B3GALT1: variants seen among roughly 807,000 people sequenced by gnomAD.
B3GALT1 encodes the protein UDP-Gal:betaGlcNAc beta 1,3-galactosyltransferase, polypeptide 1.
Under a neutral mutation model 23.2 loss-of-function variants are expected in B3GALT1, and 10 were observed. That is an observed-to-expected ratio of 0.43 (90% confidence interval 0.27 to 0.73). The LOEUF (loss-of-function observed/expected upper bound fraction) is 0.73, where lower values mean the gene tolerates loss of function less well. Among genes scored for constraint, B3GALT1 ranks in the 30% least tolerant of loss-of-function variants. The pLI, the probability that B3GALT1 is intolerant of heterozygous loss-of-function variation, is 0.21. For synonymous variants in B3GALT1, 156 were observed against 141.5 expected (o/e 1.10, Z -0.73); for missense variants, 299 against 405.4 (o/e 0.74, Z 2.25).
chr2:167,296,603 C>T (rs1357253635), intron 1 of B3GALT1, among the ~76,000 whole-genome samples: 1 of 152,160 alleles, frequency 6.6e-6, no homozygotes, highest in Non-Finnish European at 1.5e-5. Flanking sequence ...GATGAATGTG[C>T]ATCATAAAGG....
At chr2:167,446,781 T>G (rs1182942851) in intron 1 of B3GALT1, among the ~76,000 whole-genome samples, 1 of 152,162 alleles carries the variant, frequency 6.6e-6, no homozygotes, top group East Asian at 1.9e-4. Context: ...TTCTCACAGT[T>G]TTTAGCCTCT....
chr2:167,377,735 C>T (rs1697786595), intron 1 of B3GALT1, among the ~76,000 whole-genome samples: 2 of 152,032 alleles, frequency 1.3e-5, no homozygotes, highest in South Asian at 2.1e-4. Flanking sequence ...AGATGGGACT[C>T]TTAAAGACAG....
At chr2:167,453,673 G>A (rs1699123258) in intron 1 of B3GALT1, among the ~76,000 whole-genome samples, 1 of 152,204 alleles carries the variant, frequency 6.6e-6, no homozygotes, top group Non-Finnish European at 1.5e-5. Flanking sequence ...CTGAACAAGT[G>A]CCAATGAAGT....
intron 2 of B3GALT1, among the ~76,000 whole-genome samples, chr2:167,631,723 G>A (rs1685449364): frequency 7.0e-6 from 1 of 142,074 alleles, no homozygotes; most frequent in South Asian, 2.1e-4. Context: ...ACAAATACTA[G>A]CTTTCTTTCC....
Position 167,705,165 on chromosome 2 carries a change from A to G in B3GALT1, c.-352+58199A>G, listed in dbSNP as rs549474397. ...AACCTACAGCCTAGAGCCAAACTTC[A>G]TTGTACTCAGCCTAGATGAGCTGAA... On this transcript the variant is annotated intron_variant, in intron 3 of 4. Transcript: ENST00000392690. 3.0e-4 allele frequency among the ~76,000 whole-genome samples: 45 copies of G among 152,226 alleles called. 1 individual carries two copies. The South Asian group carries it at 9.2e-3, about 31-fold the overall frequency.
intron 3 of B3GALT1, among the ~76,000 whole-genome samples, chr2:167,767,353 G>A (rs1014349174): frequency 1.3e-5 from 2 of 151,958 alleles, no homozygotes; most frequent in Non-Finnish European, 2.9e-5. Context: ...ATTTCTTTGC[G>A]GCATTGTCCC....
chr2:167,486,341 G>A (rs1196861385), intron 1 of B3GALT1, among the ~76,000 whole-genome samples: 1 of 144,760 alleles, frequency 6.9e-6, no homozygotes, highest in Non-Finnish European at 1.5e-5. Flanking sequence ...CCTTGTGACA[G>A]AGTGAGACTC....
intron 1 of B3GALT1, among the ~76,000 whole-genome samples, chr2:167,304,150 G>A (rs1197086878): frequency 2.0e-5 from 3 of 152,164 alleles, no homozygotes; most frequent in Admixed American, 6.6e-5. Context: ...ATGAAGTTCT[G>A]TGTTTGATTT....
chr2:167,570,481 T>C (rs928265411), intron 2 of B3GALT1, among the ~76,000 whole-genome samples: 10 of 151,936 alleles, frequency 6.6e-5, no homozygotes, highest in Admixed American at 2.6e-4. Flanking sequence ...GCTATAAATG[T>C]TTTTATGATT....
chr2:167,549,127 C>CA (rs1683701991), intron 2 of B3GALT1, among the ~76,000 whole-genome samples: 1 of 152,072 alleles, frequency 6.6e-6, no homozygotes, highest in Non-Finnish European at 1.5e-5. Context: ...ATAAACCTCT[C>CA]AAAAAATATT....
intron 4 of B3GALT1, among the ~76,000 whole-genome samples, chr2:167,822,263 T>C (rs1320739615): frequency 6.6e-6 from 1 of 152,120 alleles, no homozygotes; most frequent in Non-Finnish European, 1.5e-5. Flanking sequence ...GCTAGGTCAC[T>C]ATTACATATT....
intron 2 of B3GALT1, among the ~76,000 whole-genome samples, chr2:167,566,827 G>A (rs1374600433): frequency 6.6e-6 from 1 of 152,108 alleles, no homozygotes; most frequent in Non-Finnish European, 1.5e-5. Flanking sequence ...TGCCCTCTGG[G>A]GGTAGGAGGG....
chr2:167,824,420 C>A (rs1574282990), intron 4 of B3GALT1, among the ~76,000 whole-genome samples: 1 of 152,198 alleles, frequency 6.6e-6, no homozygotes, highest in African/African-American at 2.4e-5. Flanking sequence ...ATAAGAGATA[C>A]CCATAGCTTG....
At chr2:167,672,218 A>G (rs1686343513) in intron 3 of B3GALT1, among the ~76,000 whole-genome samples, 1 of 152,056 alleles carries the variant, frequency 6.6e-6, no homozygotes, top group Admixed American at 6.6e-5. Flanking sequence ...CACCCTCCTT[A>G]CGATCCCCAT....
At chr2:167,564,834 C>G (rs892103343) in intron 2 of B3GALT1, among the ~76,000 whole-genome samples, 5 of 152,180 alleles carry the variant, frequency 3.3e-5, no homozygotes, top group African/African-American at 1.2e-4. Context: ...GAACTACAGA[C>G]CACTGCTCAA....
At chr2:167,827,861 G>A (rs1689260800) in intron 4 of B3GALT1, among the ~76,000 whole-genome samples, 1 of 152,040 alleles carries the variant, frequency 6.6e-6, no homozygotes, top group African/African-American at 2.4e-5. Flanking sequence ...TTTCTGAGAG[G>A]GTTTCACTGA....
chr2:167,543,630 T>C (rs1377792254), intron 2 of B3GALT1, among the ~76,000 whole-genome samples: 1 of 152,210 alleles, frequency 6.6e-6, no homozygotes, highest in African/African-American at 2.4e-5. Context: ...CATTATAGAA[T>C]AGTATGTAGA....
chr2:167,503,207 A>G (rs1699871669), intron 2 of B3GALT1, among the ~76,000 whole-genome samples: 1 of 152,110 alleles, frequency 6.6e-6, no homozygotes, highest in South Asian at 2.1e-4. Flanking sequence ...CTTCATTTCT[A>G]CCCAATCATG....
intron 3 of B3GALT1, among the ~76,000 whole-genome samples, chr2:167,795,605 G>A (rs891400133): frequency 1.3e-5 from 2 of 152,136 alleles, no homozygotes; most frequent in African/African-American, 4.8e-5. Flanking sequence ...GCTGTACTCT[G>A]AGGAGAATCC....
Sources: allele counts gnomAD v4.1 joint callset (sites outside exome capture counted in the v4.1 genomes callset), GRCh38; gene constraint gnomAD v4.1.1; transcripts MANE v1.5; gene names NCBI Gene and HGNC (gene_info 2026-07-23, HGNC 2026-07-21).